Variants in MDH1B observed in about 807,000 individuals in gnomAD.
MDH1B encodes the protein putative malate dehydrogenase 1B.
MDH1B carries 60 observed loss-of-function variants against 61.4 expected under a neutral mutation model. The observed-to-expected ratio is 0.98, with a 90% CI of 0.79 to 1.21. MDH1B has a LOEUF of 1.21. Among genes scored for constraint, MDH1B ranks in the 50% most tolerant of loss-of-function variants. MDH1B has a pLI of 0.00. For synonymous variants in MDH1B, 236 were observed against 218.7 expected (o/e 1.08, Z -0.70); for missense variants, 587 against 632.1 (o/e 0.93, Z 0.76).
chr2:206,756,630 G>T, intron 4 of MDH1B: 1 of 381,204 alleles, frequency 2.6e-6, no homozygotes, highest in Non-Finnish European at 4.7e-6. Context: ...GTGAGCTTCT[G>T]CAAAGCAGCC....
At chr2:206,738,813 C>CCT (rs10623426) in intron 11 of MDH1B, among the ~76,000 whole-genome samples, 2 of 151,862 alleles carry the variant, frequency 1.3e-5, no homozygotes, top group Non-Finnish European at 1.5e-5. Context: ...CATTTCTGCT[C>CCT]GACTTTGCTG....
At chr2:206,751,438 G>A (rs1394590426) in intron 5 of MDH1B, among the ~76,000 whole-genome samples, 1 of 152,174 alleles carries the variant, frequency 6.6e-6, no homozygotes, top group Non-Finnish European at 1.5e-5. Context: ...GGTCAAGAGA[G>A]GTGAGGGAGA....
intron 7 of MDH1B, 98 bp downstream of exon 7, chr2:206,748,922 C>A: frequency 1.0e-6 from 1 of 977,714 alleles, no homozygotes; most frequent in Non-Finnish European, 1.5e-6. Context: ...AGCTAATGGA[C>A]CATGTTAAGA....
At chr2:206,755,637 C>T (rs576014006) in intron 4 of MDH1B, 132 bp from the exon 5 acceptor site, 18 of 1,132,504 alleles carry the variant, frequency 1.6e-5, no homozygotes, top group Non-Finnish European at 2.2e-5. Flanking sequence ...CACATAGCTG[C>T]CCTGACATTC....
chr2:206,759,499 C>T (rs1388465947), intron 2 of MDH1B, among the ~76,000 whole-genome samples: 1 of 152,124 alleles, frequency 6.6e-6, no homozygotes, highest in Non-Finnish European at 1.5e-5. Context: ...GGTATATACA[C>T]AGTAATGGGA....
chr2:206,764,499 C>A (rs1337633028), intron 1 of MDH1B, among the ~76,000 whole-genome samples: 2 of 152,128 alleles, frequency 1.3e-5, no homozygotes, highest in Non-Finnish European at 1.5e-5. Flanking sequence ...GAGCAGTCTA[C>A]TCTTTTAAGA....
At chr2:206,756,393 G>C (rs1282493307) in intron 4 of MDH1B, among the ~76,000 whole-genome samples, 1 of 152,098 alleles carries the variant, frequency 6.6e-6, no homozygotes, top group Non-Finnish European at 1.5e-5. Flanking sequence ...GGGAGAGAGA[G>C]AGCAAGAGAG....
intron 6 of MDH1B, among the ~76,000 whole-genome samples, chr2:206,750,075 C>T (rs1254596933): frequency 6.6e-6 from 1 of 152,042 alleles, no homozygotes; most frequent in East Asian, 1.9e-4. Context: ...GAACTCGGGA[C>T]ACATCATCCC....
intron 2 of MDH1B, among the ~76,000 whole-genome samples, chr2:206,759,243 T>C (rs936169972): frequency 6.6e-6 from 1 of 152,178 alleles, no homozygotes; most frequent in Non-Finnish European, 1.5e-5. Context: ...TATTTGGTTT[T>C]CTGTTCCTGT....
At chr2:206,739,796 A>G (rs1016041651) in intron 10 of MDH1B, 135 bp from the exon 11 acceptor site, 1 of 714,200 alleles carries the variant, frequency 1.4e-6, no homozygotes, top group Non-Finnish European at 2.4e-6. Flanking sequence ...GAGTTACAAG[A>G]TGCTAGACCA....
chr2:206,746,996 T>C (rs1041265583), intron 7 of MDH1B, among the ~76,000 whole-genome samples: 2 of 152,144 alleles, frequency 1.3e-5, no homozygotes, highest in Admixed American at 6.6e-5. Context: ...TTCTTTAAGA[T>C]ATACAGAAAT....
At chr2:206,738,744 C>T (rs944472548) in intron 11 of MDH1B, among the ~76,000 whole-genome samples, 7 of 152,124 alleles carry the variant, frequency 4.6e-5, no homozygotes, top group Admixed American at 1.3e-4. Context: ...TTTTTATGTG[C>T]TCTCTCCTGT....
At chr2:206,764,788 C>T (rs1416839803) in intron 1 of MDH1B, among the ~76,000 whole-genome samples, 1 of 152,172 alleles carries the variant, frequency 6.6e-6, no homozygotes, top group African/African-American at 2.4e-5. Flanking sequence ...TCACGCCCCA[C>T]ATATCCAGAT....
rs760887834 is a variant in MDH1B, at chr2:206,760,918, G to A, written c.118C>T (p.Arg40Cys). The A allele has an allele frequency of 1.2e-5, 20 of 1,606,884 alleles. No individual in the cohort carries two copies. The highest frequency in any genetic ancestry group is 3.3e-4 in the Middle Eastern group (2 of 6,070). ...PDFRIHKITQ[R>C]PEVWEDWLKD... Reference sequence around the variant, plus strand: ...CTTCTTACCTCCCAAACCTCAGGACGTTGTGTGATTTTATGTATCCGAAAA... The same window carrying A: ...CTTCTTACCTCCCAAACCTCAGGACATTGTGTGATTTTATGTATCCGAAAA... Residue 40 changes from arginine to cysteine, a missense_variant, in exon 2 of 12, where the codon CGT (arginine) becomes TGT (cysteine). By Grantham distance (180) the Arg-to-Cys change is radical. Coordinates refer to ENST00000374412, the MANE Select transcript of MDH1B (RefSeq NM_001039845.3).
rs760232142 is a variant in MDH1B, at chr2:206,750,984, A to C, written c.1002T>G (p.Ile334Met). Residue 334 changes from isoleucine to methionine, a missense_variant, in exon 6 of 12, where the codon ATT becomes ATG. Transcript: ENST00000374412. ...GGCGTGAATAATGAAGAGGTCCCCA[A>C]ATGGCACTCTCATATCTGTACACCC... The part of the protein sequence containing the change: ...KTRVYRYESA[I>M]WGPLHYSRPV... The C allele has an allele frequency of 6.2e-7, 1 of 1,612,092 alleles. No homozygotes were observed. Among genetic ancestry groups the C allele is most frequent in the South Asian group, 1.1e-5 (1 of 90,708 alleles).
At chr2:206,747,154 G>C (rs1688160186) in intron 7 of MDH1B, among the ~76,000 whole-genome samples, 1 of 72,830 alleles carries the variant, frequency 1.4e-5, no homozygotes, top group South Asian at 5.9e-4. Context: ...ATATCACCAG[G>C]GCAAAAAAAC....
intron 9 of MDH1B, 153 bp from the exon 10 acceptor site, chr2:206,741,257 T>C (rs1687792783): frequency 1.0e-6 from 1 of 958,578 alleles, no homozygotes; most frequent in East Asian, 2.7e-5. Context: ...ATGTGTACAT[T>C]TGTGTACATA....
In MDH1B at chr2:206,757,996, T is replaced by C. The variant is rs138375856; in HGVS notation, c.136-625A>G. On this transcript the variant is annotated intron_variant, in intron 2 of 11. Transcript: ENST00000374412. ...CTTAAAAACCACGTCATTGGAGGCA[T>C]GGGTAATGAGGCCACCTTACCAATA... is the stretch of plus-strand genomic sequence containing the variant. 6.2e-3 allele frequency among the ~76,000 whole-genome samples: 943 copies of C among 152,294 alleles called. 4 individuals carry two copies. The highest frequency in any genetic ancestry group is 0.01 in the Non-Finnish European group (684 of 68,014).
rs1688401273 is a variant in MDH1B at position 206,750,963 on chromosome 2, T to G, written c.1023A>C (p.Ser341=). The change falls in exon 6 of 12, where the codon TCA becomes TCC. Residue 341 remains serine (S), a synonymous_variant. Coordinates refer to ENST00000374412, the MANE Select transcript of MDH1B (RefSeq NM_001039845.3). ...ESAIWGPLHY[S]RPVLNLIFDS... Reference sequence around the variant, plus strand: ...CAAAAATCAAGTTTAAAACAGGGCGTGAATAATGAAGAGGTCCCCAAATGG... The same window carrying G: ...CAAAAATCAAGTTTAAAACAGGGCGGGAATAATGAAGAGGTCCCCAAATGG... 1.6e-5 allele frequency: 25 copies of G among 1,610,712 alleles called. No homozygotes were observed. The East Asian group carries it at 5.6e-4, about 36-fold the overall frequency.
Sources: allele counts gnomAD v4.1 joint callset (sites outside exome capture counted in the v4.1 genomes callset), GRCh38; gene constraint gnomAD v4.1.1; transcripts MANE v1.5; gene names NCBI Gene and HGNC (gene_info 2026-07-23, HGNC 2026-07-21).